Variants in ERG observed in about 807,000 individuals in gnomAD.
ERG encodes transcriptional regulator ERG.
A neutral mutation model predicts 55.3 loss-of-function variants in ERG; 9 were observed. The observed-to-expected ratio is 0.16, with a 90% CI of 0.10 to 0.28. The LOEUF is 0.28. Ranked by LOEUF, ERG falls within the 10% of genes least tolerant of loss-of-function variation. The pLI is 1.00. For missense variants in ERG, 434 were observed against 631.6 expected (o/e 0.69, Z 3.35); for synonymous variants, 223 against 237.3 (o/e 0.94, Z 0.55).
intron 1 of ERG, among the ~76,000 whole-genome samples, chr21:38,656,791 C>T (rs1312341433): frequency 6.6e-6 from 1 of 152,128 alleles, no homozygotes; most frequent in Non-Finnish European, 1.5e-5. Flanking sequence ...GGAACTTTTG[C>T]TGAATGCTGA....
At chr21:38,376,509 G>T (rs117869894), downstream of ERG, among the ~76,000 whole-genome samples, 1 of 152,214 alleles carries the variant, frequency 6.6e-6, no homozygotes, top group Non-Finnish European at 1.5e-5. Context: ...GGAAGTGCTG[G>T]TCTGCCCACT....
At position 38,429,444 on chromosome 21, in the gene ERG, C is replaced by T. The variant is rs200554867; in HGVS notation, c.237-5883G>A. Among the ~76,000 whole-genome samples, 5 of 26,650 alleles carry T rather than the reference C, an allele frequency of 1.9e-4. 1 individual carries two copies. The highest frequency in any genetic ancestry group is 3.1e-4 in the Non-Finnish European group (2 of 6,384). 17.5% of individuals were successfully genotyped at this position (26,650 alleles called of 152,430 possible). On this transcript the variant is annotated intron_variant, in intron 2 of 9. Transcript: ENST00000288319. ...AAACATGTGTGTATACATGTATACA[C>T]GTGTACACATGTACATATACACATA...
At chr21:38,647,805 G>A (rs1435727320) in intron 1 of ERG, among the ~76,000 whole-genome samples, 1 of 152,150 alleles carries the variant, frequency 6.6e-6, no homozygotes, top group South Asian at 2.1e-4. Context: ...TCTTTAACAA[G>A]TCACATACAC....
At chr21:38,646,234 TG>T (rs1187849454) in intron 1 of ERG, among the ~76,000 whole-genome samples, 1 of 144,154 alleles carries the variant, frequency 6.9e-6, no homozygotes, top group Non-Finnish European at 1.5e-5. Context: ...TGAGCAAAGA[TG>T]GCACCACTGC....
chr21:38,429,254 G>A (rs1322611593), intron 2 of ERG, among the ~76,000 whole-genome samples: 2 of 150,452 alleles, frequency 1.3e-5, no homozygotes, highest in East Asian at 2.0e-4. Flanking sequence ...TGGTGTGTGT[G>A]TGTATATACA....
chr21:38,633,154 G>C (rs2060367334), intron 1 of ERG, among the ~76,000 whole-genome samples: 1 of 152,206 alleles, frequency 6.6e-6, no homozygotes, highest in Admixed American at 6.5e-5. Flanking sequence ...TATGATTCTA[G>C]TTATATAATG....
Position 38,423,484 on chromosome 21 carries a change from C to T in ERG, c.314G>A (p.Gly105Asp), listed in dbSNP as rs1464176138. 1 of 1,614,184 alleles carries T rather than the reference C, an allele frequency of 6.2e-7. No individual in the cohort carries two copies. Among genetic ancestry groups the T allele is most frequent in the Non-Finnish European group, 8.5e-7 (1 of 1,180,012 alleles). ...CATGTGCTTCTCCTCCATGTAGCTGCCGTAGTTCATCCCAACGGTGTCTGG... is the reference window on the plus strand; with the variant it reads ...CATGTGCTTCTCCTCCATGTAGCTGTCGTAGTTCATCCCAACGGTGTCTGG... ...GSPDTVGMNY[G>D]SYMEEKHMPP... Residue 105 changes from glycine to aspartate, a missense_variant, in exon 3 of 10, where the codon GGC (glycine) becomes GAC (aspartate). By Grantham distance (94) the Gly-to-Asp change is moderately conservative. Around this residue, in one of 5 missense-constraint regions of ERG, gnomAD observed 212 missense variants for 262.9 expected, o/e 0.81. Coordinates refer to ENST00000288319, the MANE Select transcript of ERG (RefSeq NM_182918.4).
intron 2 of ERG, among the ~76,000 whole-genome samples, chr21:38,429,435 A>ATGTACATATACACATATGTG (rs1331469485): frequency 3.3e-5 from 4 of 122,782 alleles, no homozygotes; most frequent in African/African-American, 1.1e-4. Context: ...GTGTGTATAC[A>ATGTACATATACACATATGTG]TGTATACACG....
At chr21:38,457,460 T>C (rs1009440959) in intron 1 of ERG, among the ~76,000 whole-genome samples, 12 of 149,916 alleles carry the variant, frequency 8.0e-5, no homozygotes, top group African/African-American at 2.9e-4. Flanking sequence ...AAGTCACAAA[T>C]ACTCTTTAAA....
chr21:38,594,204 T>C (rs570823764), intron 1 of ERG, among the ~76,000 whole-genome samples: 1 of 152,202 alleles, frequency 6.6e-6, no homozygotes, highest in African/African-American at 2.4e-5. Context: ...TTCCACTGAG[T>C]TTTGACTGGT....
intron 1 of ERG, among the ~76,000 whole-genome samples, chr21:38,462,143 G>A (rs2059049277): frequency 6.6e-6 from 1 of 152,054 alleles, no homozygotes; most frequent in Non-Finnish European, 1.5e-5. Flanking sequence ...ACCACGCCTG[G>A]CTAATTTTTT....
At chr21:38,473,543 A>G (rs1406072974) in intron 1 of ERG, among the ~76,000 whole-genome samples, 2 of 152,110 alleles carry the variant, frequency 1.3e-5, no homozygotes, top group East Asian at 3.9e-4. Flanking sequence ...TCCTCACTTC[A>G]CGTAGGGGAA....
intron 2 of ERG, among the ~76,000 whole-genome samples, chr21:38,518,180 C>T (rs993543787): frequency 2.0e-5 from 3 of 152,078 alleles, no homozygotes; most frequent in South Asian, 4.1e-4. Context: ...TTGATCATTA[C>T]ACATTCTATG....
the ERG span, among the ~76,000 whole-genome samples, chr21:38,373,054 T>C: frequency 6.6e-6 from 1 of 152,176 alleles, no homozygotes; most frequent in African/African-American, 2.4e-5. Context: ...CACTCTTTGC[T>C]CCAAACCCTA....
At chr21:38,622,651 T>C (rs1423683554) in intron 1 of ERG, among the ~76,000 whole-genome samples, 2 of 128,950 alleles carry the variant, frequency 1.6e-5, no homozygotes, top group African/African-American at 6.1e-5. Flanking sequence ...ACATCACACG[T>C]CACATACACA....
At chr21:38,498,717 G>A (rs992419640), upstream of ERG, among the ~76,000 whole-genome samples, 1 of 152,098 alleles carries the variant, frequency 6.6e-6, no homozygotes. The surrounding 1 kb of genome is among the most constrained non-coding windows in gnomAD (Gnocchi z 4.6). Flanking sequence ...GTGCCGCCGT[G>A]TGACACACTG....
At position 38,607,279 on chromosome 21, in the gene ERG, T is replaced by C. The variant is rs143767834; in HGVS notation, c.-149-22334A>G. Among the ~76,000 whole-genome samples the C allele has an allele frequency of 5.3e-3, 812 of 152,274 alleles. 6 individuals are homozygous for C. The highest frequency in any genetic ancestry group is 0.019 in the African/African-American group (776 of 41,542). On this transcript the variant is annotated intron_variant, in intron 1 of 10. Transcript: ENST00000398910. Reference sequence around the variant, plus strand: ...ACTTACAGACACTTAATTAAAGAGCTATTAGAGTATATCTTCAATAAGAAG... The same window carrying C: ...ACTTACAGACACTTAATTAAAGAGCCATTAGAGTATATCTTCAATAAGAAG...
chr21:38,500,239 T>G (rs766689974), upstream of ERG, among the ~76,000 whole-genome samples: 51 of 152,190 alleles, frequency 3.4e-4, no homozygotes, highest in Non-Finnish European at 5.6e-4. Context: ...AACACCAGCT[T>G]TAAATAAGAT....
intron 1 of ERG, among the ~76,000 whole-genome samples, chr21:38,610,138 G>A (rs532520328): frequency 3.9e-5 from 6 of 152,298 alleles, no homozygotes; most frequent in African/African-American, 9.6e-5. Flanking sequence ...GCAACGCTGC[G>A]ATCACTATTC....
Sources: allele counts gnomAD v4.1 joint callset (sites outside exome capture counted in the v4.1 genomes callset), GRCh38; gene constraint gnomAD v4.1.1; regional missense constraint gnomAD v4.1.1; non-coding constraint Gnocchi (gnomAD v3.1); transcripts MANE v1.5; gene names NCBI Gene and HGNC (gene_info 2026-07-23, HGNC 2026-07-21).